FREM3: variants seen among roughly 807,000 people sequenced by gnomAD.
FREM3 encodes FRAS1-related extracellular matrix protein 3.
In FREM3, 105 loss-of-function variants were observed where a neutral mutation model predicts 129.1. The observed-to-expected ratio is 0.81, with a 90% CI of 0.69 to 0.96. The LOEUF is 0.96. FREM3 is among the 40% of genes least tolerant of loss of function. FREM3 has a pLI of 0.00. For missense variants in FREM3, 2,593 were observed against 2,666.3 expected, an observed-to-expected ratio of 0.97 and a Z score of 0.61; for synonymous variants, 1,014 against 1,044.9, an observed-to-expected ratio of 0.97 and a Z score of 0.57.
intron 3 of FREM3, among the ~76,000 whole-genome samples, chr4:143,627,398 G>T (rs1739058904): frequency 6.6e-6 from 1 of 152,150 alleles, no homozygotes; most frequent in South Asian, 2.1e-4. Context: ...TTGCTAGAAA[G>T]AGGAAAACAG....
intron 2 of FREM3, among the ~76,000 whole-genome samples, chr4:143,651,672 C>G (rs1215131792): frequency 6.6e-6 from 1 of 152,184 alleles, no homozygotes; most frequent in Non-Finnish European, 1.5e-5. Flanking sequence ...ATGCGACCCT[C>G]AAAAAGACTC....
In FREM3 at chr4:143,695,609, C is replaced by T. The variant is rs1036177808; in HGVS notation, c.5067G>A (p.Lys1689=). ...MGFLITSKSL[K]AEDQDSPHRL... is the part of the protein sequence containing the mutation. ...TGTGGGGACTGTCCTGATCTTCTGC[C>T]TTCAGAGACTTGCTGGTAATCAGGA... The change falls in exon 1 of 8, where the codon AAG becomes AAA. Residue 1689 remains lysine, a synonymous_variant. Coordinates refer to ENST00000329798, the MANE Select transcript of FREM3 (RefSeq NM_001168235.2). The T allele has an allele frequency of 1.3e-6, 2 of 1,537,148 alleles. No homozygotes were observed. The highest frequency in any genetic ancestry group is 2.7e-5 in the African/African-American group (2 of 73,008).
At chr4:143,668,932 A>G (rs561519682) in intron 2 of FREM3, among the ~76,000 whole-genome samples, 1 of 152,328 alleles carries the variant, frequency 6.6e-6, no homozygotes, top group African/African-American at 2.4e-5. Context: ...TTGAAACTCA[A>G]TTAGAAAGCA....
intron 2 of FREM3, among the ~76,000 whole-genome samples, chr4:143,683,288 C>T (rs1740288849): frequency 6.6e-6 from 1 of 152,184 alleles, no homozygotes; most frequent in Non-Finnish European, 1.5e-5. Context: ...AGAGGACTCA[C>T]AGACCCTCTG....
chr4:143,698,853 T>A lies in FREM3; in HGVS notation c.1823A>T (p.His608Leu). The A allele has an allele frequency of 6.5e-7, 1 of 1,537,724 alleles. No individual in the cohort carries two copies. The highest frequency in any genetic ancestry group is 8.7e-7 in the Non-Finnish European group (1 of 1,147,010). The stretch of plus-strand genomic sequence containing the variant: ...CTGCAGCAACAGGTCCCCCAGGTAG[T>A]GGCCTGAGTGGGAGGAACCAGGGGC... ...ELAPGSSHSG[H>L]YLGDLLLQQA... The change falls in exon 1 of 8, where the codon CAC becomes CTC. Residue 608 changes from histidine (H) to leucine (L), a missense_variant. His to Leu is a moderately conservative substitution (Grantham distance 99, BLOSUM62 -3). This residue lies in a region of FREM3 where 2,276 missense variants were observed against 2,267.2 expected (regional missense o/e 1.00). Transcript: ENST00000329798.
At chr4:143,580,145 C>G (rs1738106111) in intron 7 of FREM3, among the ~76,000 whole-genome samples, 1 of 152,048 alleles carries the variant, frequency 6.6e-6, no homozygotes, top group African/African-American at 2.4e-5. Context: ...TAACTAGAAG[C>G]TGTTAGTGTG....
intron 6 of FREM3, among the ~76,000 whole-genome samples, chr4:143,604,542 A>AT (rs1172450953): frequency 1.3e-5 from 2 of 152,060 alleles, no homozygotes; most frequent in East Asian, 1.9e-4. Flanking sequence ...TAAAAGTTAT[A>AT]TTTTTTTCAT....
At chr4:143,589,121 C>G (rs528237144) in intron 6 of FREM3, among the ~76,000 whole-genome samples, 1 of 152,120 alleles carries the variant, frequency 6.6e-6, no homozygotes, top group East Asian at 1.9e-4. Flanking sequence ...TTTGAGTTCA[C>G]TGTAGATTCT....
At position 143,699,575 on chromosome 4, in the gene FREM3, G is replaced by T. The variant is rs1740652722; in HGVS notation, c.1101C>A (p.Asp367Glu). The change falls in exon 1 of 8, where the codon GAC becomes GAA. Residue 367 changes from aspartate (D) to glutamate (E), a missense_variant. This residue lies in a region of FREM3 where 2,276 missense variants were observed against 2,267.2 expected (regional missense o/e 1.00). Coordinates refer to ENST00000329798, the MANE Select transcript of FREM3 (RefSeq NM_001168235.2). This position sits in a 1 kb window ranked among gnomAD's most constrained non-coding sequence, Gnocchi z 4.2. ...PGQQGYVVST[D>E]DPLGLPVSFF... is the part of the protein sequence containing the mutation. ...AGGAGACTGGAAGCCCTAGAGGGTC[G>T]TCGGTGCTGACCACGTAGCCCTGTT... The T allele has an allele frequency of 6.5e-7, 1 of 1,535,724 alleles. No homozygotes were observed. The highest frequency in any genetic ancestry group is 8.7e-7 in the Non-Finnish European group (1 of 1,146,070).
At chr4:143,667,704 C>T (rs1739889066) in intron 2 of FREM3, among the ~76,000 whole-genome samples, 1 of 152,214 alleles carries the variant, frequency 6.6e-6, no homozygotes, top group African/African-American at 2.4e-5. Context: ...CCTGCCAGCA[C>T]TACAAAATGT....
At chr4:143,600,158 A>C (rs943603504) in intron 6 of FREM3, among the ~76,000 whole-genome samples, 2 of 152,202 alleles carry the variant, frequency 1.3e-5, no homozygotes, top group African/African-American at 4.8e-5. Flanking sequence ...TAGCATAAAA[A>C]GGAACAAAAT....
rs17017968 is a variant in FREM3, at chr4:143,621,060, A to G, written c.5756T>C (p.Ile1919Thr). ...ACCTTGACGTGTGGAGCAAATGACG[A>G]TTAGTTCCTGGCTTGCATCTCCAGA... is the stretch of plus-strand genomic sequence containing the variant. ...RRSGDASQEL[I>T]VICSTRQGSA... The change falls in exon 5 of 8, where the codon ATC becomes ACC. Residue 1919 changes from isoleucine to threonine, a missense_variant. Physicochemically the swap from Ile to Thr is moderately conservative, Grantham distance 89. Coordinates refer to ENST00000329798, the MANE Select transcript of FREM3 (RefSeq NM_001168235.2). 0.021 allele frequency: 32,744 copies of G among 1,537,210 alleles called. 3,426 individuals are homozygous for G. In the African/African-American group the frequency reaches 0.3, roughly 14 times the overall value.
chr4:143,623,912 A>G (rs1310351772), intron 4 of FREM3, among the ~76,000 whole-genome samples, 196 bp downstream of exon 4: 1 of 152,174 alleles, frequency 6.6e-6, no homozygotes, highest in African/African-American at 2.4e-5. Flanking sequence ...CTCTATTTTA[A>G]TCGTCCTGTA....
At chr4:143,674,154 ATGCAGAAATCACCCATCTTC>A (rs377169271) in intron 2 of FREM3, among the ~76,000 whole-genome samples, 82 of 152,326 alleles carry the variant, frequency 5.4e-4, no homozygotes, top group East Asian at 7.7e-4. Flanking sequence ...TCAGTTGGAA[ATGCAGAAATCACCCATCTTC>A]TGCAGAAATC....
intron 2 of FREM3, among the ~76,000 whole-genome samples, chr4:143,641,523 T>C (rs189668390): frequency 9.5e-4 from 145 of 152,318 alleles, no homozygotes; most frequent in African/African-American, 3.3e-3. Flanking sequence ...CGAGGAAAGG[T>C]TGGAAGTTAA....
At chr4:143,589,050 A>G (rs1738302820) in intron 6 of FREM3, among the ~76,000 whole-genome samples, 1 of 151,972 alleles carries the variant, frequency 6.6e-6, no homozygotes, top group South Asian at 2.1e-4. Context: ...TTCTTTTGAG[A>G]AGTGTCTGTT....
At chr4:143,683,607 C>A (rs1740298562) in intron 2 of FREM3, among the ~76,000 whole-genome samples, 1 of 152,196 alleles carries the variant, frequency 6.6e-6, no homozygotes, top group African/African-American at 2.4e-5. Context: ...TACACAGGGA[C>A]AAGGAAATCT....
intron 2 of FREM3, among the ~76,000 whole-genome samples, chr4:143,667,971 A>C (rs1739894531): frequency 6.6e-6 from 1 of 152,232 alleles, no homozygotes; most frequent in Admixed American, 6.5e-5. Flanking sequence ...CAGTGCATTT[A>C]TTAGATATGA....
intron 2 of FREM3, among the ~76,000 whole-genome samples, chr4:143,658,593 C>G (rs554937281): frequency 6.6e-6 from 1 of 152,208 alleles, no homozygotes; most frequent in East Asian, 1.9e-4. Context: ...TGAAGTCTAT[C>G]GACATCAGTT....
Sources: allele counts gnomAD v4.1 joint callset (sites outside exome capture counted in the v4.1 genomes callset), GRCh38; gene constraint gnomAD v4.1.1; regional missense constraint gnomAD v4.1.1; non-coding constraint Gnocchi (gnomAD v3.1); transcripts MANE v1.5; gene names NCBI Gene and HGNC (gene_info 2026-07-23, HGNC 2026-07-21).